Variants in PMPCB observed in about 807,000 individuals in gnomAD.
PMPCB encodes mitochondrial-processing peptidase subunit beta.
Under a neutral mutation model 61.5 loss-of-function variants are expected in PMPCB, and 46 were observed. The ratio of observed to expected loss-of-function variants is 0.75; its 90% CI spans 0.59 to 0.96. The LOEUF (loss-of-function observed/expected upper bound fraction) is 0.96. PMPCB is among the 40% of genes least tolerant of loss of function. The pLI is 0.00. For missense variants in PMPCB, 590 were observed against 602.4 expected, an observed-to-expected ratio of 0.98 and a Z score of 0.22; for synonymous variants, 191 against 201.6, an observed-to-expected ratio of 0.95 and a Z score of 0.44.
the PMPCB span, chr7:103,345,150 T>C: frequency 5.7e-6 from 1 of 176,768 alleles, no homozygotes. Flanking sequence ...CGTGTATTTG[T>C]GATACATTTG....
chr7:103,319,414 GC>G (rs1257142739), downstream of PMPCB, among the ~76,000 whole-genome samples: 5 of 152,016 alleles, frequency 3.3e-5, no homozygotes, highest in African/African-American at 1.2e-4. Context: ...TCCAGCCTGG[GC>G]AACAGAGCAA....
intron 12 of PMPCB, among the ~76,000 whole-genome samples, chr7:103,323,888 T>C (rs943887691): frequency 2.0e-5 from 3 of 152,184 alleles, no homozygotes; most frequent in African/African-American, 7.2e-5. Context: ...ATCTCTTCTT[T>C]GTTAGGTTTT....
the PMPCB span, chr7:103,342,075 C>G: frequency 1.1e-5 from 7 of 652,760 alleles, no homozygotes; most frequent in Non-Finnish European, 1.6e-5. Flanking sequence ...CTTTTAAAAC[C>G]ACCGACTACG....
Position 103,312,251 on chromosome 7 carries a change from A to G in PMPCB, c.1450A>G (p.Met484Val), listed in dbSNP as rs1817784947. 2.5e-6 allele frequency: 4 copies of G among 1,611,972 alleles called. No homozygotes were observed. The highest frequency in any genetic ancestry group is 3.4e-6 in the Non-Finnish European group (4 of 1,179,854). The stretch of plus-strand genomic sequence containing the variant: ...AGATTTTAAACAGATACGCAGTAAC[A>G]TGTGTTGGCTTCGTGATTAAAATGC... ...LPDFKQIRSN[M>V]CWLRD is the part of the protein sequence containing the mutation. The change falls in exon 13 of 13, where the codon ATG becomes GTG. Residue 484 changes from methionine to valine, a missense_variant. By Grantham distance (21) the Met-to-Val change is conservative. Coordinates refer to ENST00000249269, the MANE Select transcript of PMPCB (RefSeq NM_004279.3).
At chr7:103,343,144 C>T in the PMPCB span, among the ~76,000 whole-genome samples, 1 of 152,008 alleles carries the variant, frequency 6.6e-6, no homozygotes, top group East Asian at 1.9e-4. Context: ...GGATTATAGG[C>T]GCCCGCCACC....
chr7:103,330,671 C>T (rs556732370), downstream of PMPCB, among the ~76,000 whole-genome samples: 14 of 149,810 alleles, frequency 9.3e-5, no homozygotes, highest in South Asian at 2.8e-3. Context: ...AGGCTGGTCT[C>T]GAACTCCTGA....
rs1817849151 is a variant in PMPCB at position 103,313,112 on chromosome 7, A to C, written c.*841A>C. On this transcript the variant is annotated 3_prime_UTR_variant, in exon 13 of 13. Transcript: ENST00000249269. ...AGTCTGTATATGGACCTGATTAAGA[A>C]AAATTTTTATTTGAAAACTGTCTTT... The C allele has an allele frequency of 6.3e-7, 1 of 1,593,254 alleles. No individual in the cohort carries two copies. The highest frequency in any genetic ancestry group is 8.5e-7 in the Non-Finnish European group (1 of 1,173,606).
intron 12 of PMPCB, chr7:103,322,402 T>A (rs1426350779): frequency 7.8e-6 from 9 of 1,159,592 alleles, no homozygotes; most frequent in Non-Finnish European, 1.1e-5. Context: ...TAGCACCCAA[T>A]TCTCTGCTTT....
intron 2 of PMPCB, among the ~76,000 whole-genome samples, chr7:103,299,169 G>A (rs1346437627): frequency 6.6e-6 from 1 of 152,194 alleles, no homozygotes; most frequent in Non-Finnish European, 1.5e-5. Context: ...AGTCTCTGAT[G>A]TTCTTGATAC....
chr7:103,337,743 T>C, the PMPCB span: 1 of 1,613,114 alleles, frequency 6.2e-7, no homozygotes, highest in Non-Finnish European at 8.5e-7. Context: ...TACGAGCTGC[T>C]TTGATCTGTC....
rs146762953 is a variant in PMPCB, at chr7:103,300,935, C to T, written c.457+628C>T. Among the ~76,000 whole-genome samples the T allele has an allele frequency of 3.8e-3, 577 of 152,310 alleles. 4 individuals are homozygous for T. The highest frequency in any genetic ancestry group is 0.014 in the African/African-American group (566 of 41,548). On this transcript the variant is annotated intron_variant, in intron 4 of 12. Coordinates refer to ENST00000249269, the MANE Select transcript of PMPCB (RefSeq NM_004279.3). ...CTGACCTCAAGTGACCCACCTGCCT[C>T]GGCCTCCCAAAGTGCTGGGATTATA...
chr7:103,324,394 CTGAA>C (rs1180657969), intron 12 of PMPCB: 19 of 1,179,718 alleles, frequency 1.6e-5, no homozygotes, highest in Admixed American at 3.4e-5. Flanking sequence ...ATTTGTCCAT[CTGAA>C]TTAATTTATA....
downstream of PMPCB, chr7:103,315,746 T>C (rs767217487): frequency 8.8e-6 from 14 of 1,596,316 alleles, no homozygotes; most frequent in Admixed American, 3.3e-5. Context: ...TTTCTACGTT[T>C]AGAAAAGCAA....
chr7:103,312,248 A>G lies in PMPCB; in HGVS notation c.1447A>G (p.Asn483Asp). 1 of 1,612,400 alleles carries G rather than the reference A, an allele frequency of 6.2e-7. No individual in the cohort carries two copies. Among genetic ancestry groups the G allele is most frequent in the Non-Finnish European group, 8.5e-7 (1 of 1,179,902 alleles). ...ACCAGATTTTAAACAGATACGCAGT[A>G]ACATGTGTTGGCTTCGTGATTAAAA... Reference protein sequence around the residue: ...QLPDFKQIRSNMCWLRD With the variant: ...QLPDFKQIRSDMCWLRD The change falls in exon 13 of 13, where the codon AAC (asparagine) becomes GAC (aspartate). Residue 483 changes from asparagine (N) to aspartate (D), a missense_variant. Physicochemically the swap from Asn to Asp is conservative, Grantham distance 23. Coordinates refer to ENST00000249269, the MANE Select transcript of PMPCB (RefSeq NM_004279.3).
At chr7:103,315,543 C>T (rs1818002513), downstream of PMPCB, among the ~76,000 whole-genome samples, 1 of 152,108 alleles carries the variant, frequency 6.6e-6, no homozygotes, top group Non-Finnish European at 1.5e-5. Context: ...GCAAAACAAA[C>T]AGCCCCCTTC....
chr7:103,323,222 G>A (rs549336702), intron 12 of PMPCB, among the ~76,000 whole-genome samples: 3 of 152,184 alleles, frequency 2.0e-5, no homozygotes, highest in Non-Finnish European at 2.9e-5. Flanking sequence ...GAGCCAGCAC[G>A]CCCGGCCTAA....
intron 12 of PMPCB, among the ~76,000 whole-genome samples, chr7:103,326,374 G>A (rs1406446097): frequency 1.3e-5 from 2 of 152,148 alleles, no homozygotes; most frequent in Non-Finnish European, 2.9e-5. Context: ...AATGAGAACA[G>A]TAAGTTCACC....
intron 12 of PMPCB, among the ~76,000 whole-genome samples, chr7:103,325,261 T>C (rs968263679): frequency 1.3e-5 from 2 of 152,096 alleles, no homozygotes; most frequent in African/African-American, 4.8e-5. Context: ...CTGGCCAATA[T>C]GGTGAAACCC....
intron 6 of PMPCB, among the ~76,000 whole-genome samples, chr7:103,306,069 G>T (rs1817566510): frequency 1.3e-5 from 2 of 152,156 alleles, no homozygotes; most frequent in African/African-American, 4.8e-5. Context: ...CCTTATAAAT[G>T]ATTGCATCTT....
Sources: gnomAD v4.1 joint callset for allele counts (sites outside exome capture counted in the v4.1 genomes callset) on GRCh38, gnomAD v4.1.1 for gene constraint, MANE v1.5 for transcripts, NCBI Gene and HGNC (gene_info 2026-07-23, HGNC 2026-07-21) for gene names.